The following PMVK variants were observed in gnomAD, a reference collection of about 807,000 sequenced individuals.
PMVK encodes the protein phosphomevalonate kinase, also known as testis tissue sperm-binding protein Li 95mP.
Under a neutral mutation model 19.0 loss-of-function variants are expected in PMVK, and 10 were observed. The observed-to-expected ratio is 0.53, with a 90% CI of 0.32 to 0.89. PMVK has a LOEUF of 0.89. Among genes scored for constraint, PMVK ranks in the 40% least tolerant of loss-of-function variants. The pLI is 0.03. For missense variants in PMVK, 222 were observed against 251.1 expected, an observed-to-expected ratio of 0.88 and a Z score of 0.78; for synonymous variants, 108 against 101.6, an observed-to-expected ratio of 1.06 and a Z score of -0.38.
upstream of PMVK, among the ~76,000 whole-genome samples, chr1:154,940,138 G>T (rs139571593): frequency 4.7e-3 from 719 of 152,286 alleles, 5 homozygotes; most frequent in African/African-American, 0.016. Context: ...TTCCAGATGA[G>T]CAAGCATTGA....
chr1:154,935,884 G>T (rs1407222186), intron 1 of PMVK, among the ~76,000 whole-genome samples: 1 of 152,054 alleles, frequency 6.6e-6, no homozygotes, highest in Non-Finnish European at 1.5e-5. Context: ...AGAGACTAGG[G>T]TCTTACTGTG....
At chr1:154,928,807 A>AAATC (rs981307569) in intron 3 of PMVK, among the ~76,000 whole-genome samples, 1 of 151,524 alleles carries the variant, frequency 6.6e-6, no homozygotes, top group African/African-American at 2.4e-5. Context: ...ATAAATAAAT[A>AAATC]AATAAATAAT....
In PMVK at chr1:154,932,346, AC is replaced by A. The variant is rs751451836; in HGVS notation, c.159+5del. 3.3e-5 allele frequency: 53 copies of A among 1,610,516 alleles called. No homozygotes were observed. Among genetic ancestry groups the A allele is most frequent in the Non-Finnish European group, 4.4e-5 (52 of 1,177,044 alleles). On this transcript the variant is annotated splice_donor_5th_base_variant and intron_variant, in intron 2 of 4. Transcript: ENST00000368467. ...AACACACCGGATGCCACAAAGCACC[AC>A]CTACCTGAGCATACTGTTCCTTGAG...
At chr1:154,926,068 C>T (rs1268252544) in intron 4 of PMVK, among the ~76,000 whole-genome samples, 1 of 152,186 alleles carries the variant, frequency 6.6e-6, no homozygotes, top group Admixed American at 6.5e-5. Flanking sequence ...TCAGGTTTGC[C>T]CCTGACCACT....
intron 1 of PMVK, among the ~76,000 whole-genome samples, chr1:154,936,172 C>G (rs896938086): frequency 7.2e-5 from 11 of 152,190 alleles, no homozygotes; most frequent in African/African-American, 2.7e-4. Flanking sequence ...ACCTCCGCCT[C>G]CCGGGCTCAA....
chr1:154,927,732 G>A (rs1045849175), intron 3 of PMVK, among the ~76,000 whole-genome samples: 1 of 152,032 alleles, frequency 6.6e-6, no homozygotes, highest in African/African-American at 2.4e-5. Flanking sequence ...TCAAGCCTCT[G>A]CACTTCCTCC....
At chr1:154,930,017 TG>T (rs774112705) in intron 2 of PMVK, among the ~76,000 whole-genome samples, 1 of 152,192 alleles carries the variant, frequency 6.6e-6, no homozygotes, top group Non-Finnish European at 1.5e-5. Context: ...GTCTACTTGT[TG>T]GTTATATTTC....
chr1:154,929,663 T>A (rs1347396581), intron 2 of PMVK, among the ~76,000 whole-genome samples: 1 of 151,808 alleles, frequency 6.6e-6, no homozygotes, highest in Non-Finnish European at 1.5e-5. Flanking sequence ...ATCCCCAAAT[T>A]CCTGGCGCCT....
At chr1:154,941,343 G>A (rs1036443337), upstream of PMVK, among the ~76,000 whole-genome samples, 15 of 152,196 alleles carry the variant, frequency 9.9e-5, no homozygotes, top group Admixed American at 3.3e-4. Flanking sequence ...TGGGAGAGGT[G>A]GGACAGGGAA....
rs918982942 is a variant in PMVK at position 154,928,725 on chromosome 1, T to C, written c.312+299A>G. Reference sequence around the variant, plus strand: ...AGGCAGAGGTTGCAGTGAGCCAAGATTGCGCCACTGCACTCCAGCCCAGGC... The same window carrying C: ...AGGCAGAGGTTGCAGTGAGCCAAGACTGCGCCACTGCACTCCAGCCCAGGC... On this transcript the variant is annotated intron_variant, in intron 3 of 4. Transcript: ENST00000368467. 4.0e-5 allele frequency among the ~76,000 whole-genome samples: 6 copies of C among 151,654 alleles called. No homozygotes were observed. In the South Asian group the frequency reaches 6.2e-4, roughly 16 times the overall value.
Position 154,926,480 on chromosome 1 carries a change from C to T in PMVK, c.316G>A (p.Val106Met). 6.2e-7 allele frequency: 1 copy of T among 1,613,524 alleles called. No homozygotes were observed. Among genetic ancestry groups the T allele is most frequent in the Non-Finnish European group, 8.5e-7 (1 of 1,179,736 alleles). ...VEGISQPIWL[V>M]SDTRRVSDIQ... is the part of the protein sequence containing the mutation. ...TCAGACACTCTCCGTGTGTCACTCACCAGCTGCAGGAGAGGGACAGACAGG... is the reference window on the plus strand; with the variant it reads ...TCAGACACTCTCCGTGTGTCACTCATCAGCTGCAGGAGAGGGACAGACAGG... The change falls in exon 4 of 5, where the codon GTG becomes ATG. Residue 106 changes from valine to methionine, a missense_variant. Physicochemically the swap from Val to Met is conservative, Grantham distance 21. Transcript: ENST00000368467.
chr1:154,936,449 C>A, intron 1 of PMVK, 142 bp downstream of exon 1: 2 of 1,462,816 alleles, frequency 1.4e-6, no homozygotes, highest in East Asian at 2.5e-5. Context: ...TGGTGGCATT[C>A]CACCTTCCCC....
chr1:154,936,730 A>C (rs1654519459), upstream of PMVK: 5 of 1,513,722 alleles, frequency 3.3e-6, no homozygotes, highest in Non-Finnish European at 4.5e-6. Flanking sequence ...ACTTCTCCCT[A>C]CCCCTAAAAT....
chr1:154,925,080 G>GCCCCCCCCCCCCCCCCCCCCC lies in PMVK; in HGVS notation c.*48_*49insGGGGGGGGGGGGGGGGGGGGG. The stretch of plus-strand genomic sequence containing the variant: ...GGGACACCCCCATTTTGCAGAGTCA[G>GCCCCCCCCCCCCCCCCCCCCC]CCCCACCCCCACCTCAGCAGGCCCC... On this transcript the variant is annotated 3_prime_UTR_variant, in exon 5 of 5. Coordinates refer to ENST00000368467, the MANE Select transcript of PMVK (RefSeq NM_006556.4). 6.9e-7 allele frequency: 1 copy of GCCCCCCCCCCCCCCCCCCCCC among 1,459,214 alleles called. No individual in the cohort carries two copies. The highest frequency in any genetic ancestry group is 9.3e-7 in the Non-Finnish European group (1 of 1,076,454). 90.4% of individuals were successfully genotyped at this position (1,459,214 alleles called of 1,614,324 possible). A position where few individuals can be genotyped will look rare whatever the true frequency, so the allele number is the denominator to read the frequency against.
rs1654261629 is a variant in PMVK at position 154,929,154 on chromosome 1, C to T, written c.182G>A (p.Arg61Lys). 1.2e-6 allele frequency: 2 copies of T among 1,614,078 alleles called. No individual in the cohort carries two copies. The highest frequency in any genetic ancestry group is 1.7e-6 in the Non-Finnish European group (2 of 1,179,920). ...YAQEHGLNFQ[R>K]LLDTSTYKEA... ...CTTGTAGGTGCTGGTGTCCAGGAGT[C>T]TCTGGAAGTTCAAGCCATGCTCCTG... The change falls in exon 3 of 5, where the codon AGA becomes AAA. Residue 61 changes from arginine (R) to lysine (K), a missense_variant. Arg to Lys is a conservative substitution (Grantham distance 26). Transcript: ENST00000368467.
upstream of PMVK, among the ~76,000 whole-genome samples, chr1:154,941,059 A>G (rs1441023567): frequency 6.6e-6 from 1 of 152,174 alleles, no homozygotes; most frequent in African/African-American, 2.4e-5. Context: ...AAGCAAGGAG[A>G]GCCCTCTTGC....
intron 2 of PMVK, among the ~76,000 whole-genome samples, chr1:154,930,031 CT>C (rs1183119124): frequency 3.9e-5 from 6 of 152,190 alleles, no homozygotes; most frequent in African/African-American, 1.4e-4. Flanking sequence ...TATATTTCTT[CT>C]TGTGACTTAG....
intron 3 of PMVK, among the ~76,000 whole-genome samples, chr1:154,928,330 G>A (rs780519828): frequency 1.3e-5 from 2 of 152,212 alleles, no homozygotes; most frequent in Non-Finnish European, 2.9e-5. Flanking sequence ...ACAGCTTAAG[G>A]AGTAAGGAGG....
Position 154,930,593 on chromosome 1 carries a change from G to C in PMVK, c.160-1417C>G, listed in dbSNP as rs558802315. 6.7e-5 allele frequency among the ~76,000 whole-genome samples: 9 copies of C among 133,782 alleles called. No homozygotes were observed. In the East Asian group the frequency reaches 1.5e-3, roughly 23 times the overall value. 87.8% of individuals were successfully genotyped at this position (133,782 alleles called of 152,430 possible). On this transcript the variant is annotated intron_variant, in intron 2 of 4. Coordinates refer to ENST00000368467, the MANE Select transcript of PMVK (RefSeq NM_006556.4). Reference sequence around the variant, plus strand: ...CCTGTCTGGGAACTTTGGAAGATCAGTTTTGAAAGTGCTCCTGGGAGGCCT... The same window carrying C: ...CCTGTCTGGGAACTTTGGAAGATCACTTTTGAAAGTGCTCCTGGGAGGCCT...
Sources: gnomAD v4.1 joint callset for allele counts (sites outside exome capture counted in the v4.1 genomes callset) on GRCh38, gnomAD v4.1.1 for gene constraint, MANE v1.5 for transcripts, NCBI Gene and HGNC (gene_info 2026-07-23, HGNC 2026-07-21) for gene names.